Variants in OPA1 observed in about 807,000 individuals in gnomAD.
OPA1 encodes OPA1 mitochondrial dynamin like GTPase, also known as dynamin-like GTPase OPA1, mitochondrial.
Under a neutral mutation model 152.9 loss-of-function variants are expected in OPA1, and 59 were observed. That is an observed-to-expected ratio of 0.39 (90% CI 0.31 to 0.48). The LOEUF is 0.48. Among genes scored for constraint, OPA1 ranks in the 20% least tolerant of loss-of-function variants. The pLI is 0.96. For missense variants in OPA1, 1,008 were observed against 1,216.8 expected, an observed-to-expected ratio of 0.83 and a Z score of 2.55; for synonymous variants, 400 against 389.9, an observed-to-expected ratio of 1.03 and a Z score of -0.31.
At chr3:193,692,435 G>A (rs1721814726) in intron 30 of OPA1, among the ~76,000 whole-genome samples, 1 of 152,154 alleles carries the variant, frequency 6.6e-6, no homozygotes, top group Non-Finnish European at 1.5e-5. Flanking sequence ...AAAGAATTGA[G>A]CTGTAGTTGA....
At position 193,614,994 on chromosome 3, in the gene OPA1, T is replaced by A. The variant is rs1478942935; in HGVS notation, c.304T>A (p.Tyr102Asn). 1 of 1,614,218 alleles carries A rather than the reference T, an allele frequency of 6.2e-7. No homozygotes were observed. The highest frequency in any genetic ancestry group is 8.5e-7 in the Non-Finnish European group (1 of 1,180,030). ...AGCTACGAGACTCTTAAAACTTCGCTATCTCATACTAGGATCGGCTGTTGG... is the reference window on the plus strand; with the variant it reads ...AGCTACGAGACTCTTAAAACTTCGCAATCTCATACTAGGATCGGCTGTTGG... ...RLATRLLKLR[Y>N]LILGSAVGGG... is the part of the protein sequence containing the mutation. The change falls in exon 2 of 31, where the codon TAT (tyrosine) becomes AAT (asparagine). Residue 102 changes from tyrosine (Y) to asparagine (N), a missense_variant. Around this residue, in one of 7 missense-constraint regions of OPA1, gnomAD observed 408 missense variants for 395.1 expected, o/e 1.03. Coordinates refer to ENST00000361510, the MANE Select transcript of OPA1 (RefSeq NM_130837.3).
intron 29 of OPA1, among the ~76,000 whole-genome samples, chr3:193,687,202 C>T (rs1721042519): frequency 6.6e-6 from 1 of 152,072 alleles, no homozygotes; most frequent in Non-Finnish European, 1.5e-5. Context: ...GGTGTCAAGT[C>T]AGCTGAAGAA....
chr3:193,654,792 C>T, intron 21 of OPA1, 70 bp from the exon 22 acceptor site: 2 of 1,474,032 alleles, frequency 1.4e-6, no homozygotes, highest in Non-Finnish European at 1.9e-6. Flanking sequence ...GTTAATGATA[C>T]TTCAGTCAAG....
In OPA1 at chr3:193,610,841, C is replaced by T. The variant is rs118115038; in HGVS notation, c.33-3882C>T. Among the ~76,000 whole-genome samples, 466 of 152,324 alleles carry T rather than the reference C, an allele frequency of 3.1e-3. 3 individuals are homozygous for T. Among genetic ancestry groups the T allele is most frequent in the South Asian group, 0.017 (81 of 4,824 alleles). On this transcript the variant is annotated intron_variant, in intron 1 of 30. Transcript: ENST00000361510. Reference sequence around the variant, plus strand: ...GGCATAGGACCCGCTGAGCCAGGCGCGGGATATAGTCTCCTGGTGTGCTGT... The same window carrying T: ...GGCATAGGACCCGCTGAGCCAGGCGTGGGATATAGTCTCCTGGTGTGCTGT...
chr3:193,645,466 AT>A, intron 16 of OPA1, 86 bp from the exon 17 acceptor site: 1 of 936,578 alleles, frequency 1.1e-6, no homozygotes, highest in Non-Finnish European at 1.7e-6. Flanking sequence ...CATGTATAGC[AT>A]TATTTTGCTT....
chr3:193,621,750 C>T (rs1462178324), intron 6 of OPA1, among the ~76,000 whole-genome samples: 1 of 152,146 alleles, frequency 6.6e-6, no homozygotes, highest in Non-Finnish European at 1.5e-5. Flanking sequence ...CGTATGTCCA[C>T]TGGAGGAAAA....
intron 21 of OPA1, among the ~76,000 whole-genome samples, chr3:193,654,605 G>T (rs1354021075): frequency 6.6e-6 from 1 of 152,116 alleles, no homozygotes; most frequent in Non-Finnish European, 1.5e-5. Context: ...TATGCCACAT[G>T]ATTGCATTTA....
intron 25 of OPA1, among the ~76,000 whole-genome samples, chr3:193,661,917 G>A (rs1715356565): frequency 6.6e-6 from 1 of 152,118 alleles, no homozygotes; most frequent in Non-Finnish European, 1.5e-5. Flanking sequence ...TTAGTTTTCA[G>A]AGAGTATTAA....
chr3:193,679,611 T>A (rs961528632), intron 29 of OPA1, among the ~76,000 whole-genome samples: 5 of 152,186 alleles, frequency 3.3e-5, no homozygotes, highest in African/African-American at 1.2e-4. Flanking sequence ...TTTAAAGAAT[T>A]GTTTAGGTAT....
At chr3:193,636,693 T>A (rs1401657317) in intron 9 of OPA1, among the ~76,000 whole-genome samples, 1 of 152,164 alleles carries the variant, frequency 6.6e-6, no homozygotes, top group Non-Finnish European at 1.5e-5. Flanking sequence ...TGCCCAGTTG[T>A]CAGTGGATAC....
At chr3:193,597,044 G>A (rs1402692811) in intron 1 of OPA1, 1 of 152,234 alleles carries the variant, frequency 6.6e-6, no homozygotes, top group Non-Finnish European at 1.5e-5. Context: ...TTGAGGGGCT[G>A]ACCAAAAGGG....
intron 11 of OPA1, among the ~76,000 whole-genome samples, chr3:193,638,857 T>C (rs571158882): frequency 2.0e-5 from 3 of 152,352 alleles, no homozygotes; most frequent in African/African-American, 7.2e-5. Flanking sequence ...ACTAGAGCTA[T>C]GTGAAAATAA....
At chr3:193,678,440 A>G (rs189613086) in intron 29 of OPA1, among the ~76,000 whole-genome samples, 1 of 152,268 alleles carries the variant, frequency 6.6e-6, no homozygotes, top group Admixed American at 6.5e-5. Context: ...ACTGTAGTTT[A>G]AGACACTTTT....
At chr3:193,668,926 T>A in intron 29 of OPA1, 1 of 947,582 alleles carries the variant, frequency 1.1e-6, no homozygotes, top group Non-Finnish European at 1.3e-6. Context: ...ATACCTGTAG[T>A]TGGTACCTCT....
At chr3:193,608,522 T>C (rs1030230168) in intron 1 of OPA1, among the ~76,000 whole-genome samples, 2 of 152,176 alleles carry the variant, frequency 1.3e-5, no homozygotes, top group Admixed American at 1.3e-4. Context: ...TTTGAGTGAG[T>C]TTCTTAATCC....
intron 29 of OPA1, among the ~76,000 whole-genome samples, chr3:193,670,504 C>G (rs1311167673): frequency 6.6e-6 from 1 of 151,362 alleles, no homozygotes; most frequent in Non-Finnish European, 1.5e-5. Context: ...GTAGCTGGGG[C>G]TACAGGCGCC....
chr3:193,635,148 A>G (rs899708776), intron 8 of OPA1, among the ~76,000 whole-genome samples: 4 of 152,198 alleles, frequency 2.6e-5, no homozygotes, highest in Non-Finnish European at 4.4e-5. Context: ...CGTTTTCACT[A>G]TTTCAAAATA....
At position 193,614,606 on chromosome 3, in the gene OPA1, A is replaced by G. The variant is rs116599655; in HGVS notation, c.33-117A>G. 3.5e-4 allele frequency: 279 copies of G among 789,418 alleles called. No individual in the cohort carries two copies. The African/African-American group carries it at 4.4e-3, about 13-fold the overall frequency. The allele number at this position is 789,418 out of a possible 1,614,324, so 48.9% of individuals were successfully genotyped here. On this transcript the variant is annotated intron_variant, in intron 1 of 30. Transcript: ENST00000361510. ...GTTAGTAAATGTGAACTATTGTGTG[A>G]CATTGTGGTTAGTCACGTATGGGGC... is the stretch of plus-strand genomic sequence containing the variant.
intron 25 of OPA1, among the ~76,000 whole-genome samples, chr3:193,662,477 C>G (rs1439611153): frequency 6.6e-6 from 1 of 152,100 alleles, no homozygotes; most frequent in Non-Finnish European, 1.5e-5. Flanking sequence ...TTCCTAGATT[C>G]AAATTATACC....
Sources: gnomAD v4.1 joint callset for allele counts (sites outside exome capture counted in the v4.1 genomes callset) on GRCh38, gnomAD v4.1.1 for gene constraint, gnomAD v4.1.1 regional missense constraint, MANE v1.5 for transcripts, NCBI Gene and HGNC (gene_info 2026-07-23, HGNC 2026-07-21) for gene names.